ZCWPW2: variants seen among roughly 807,000 people sequenced by gnomAD.
ZCWPW2 encodes the protein zinc finger CW-type and PWWP domain containing 2.
ZCWPW2 carries 45 observed loss-of-function variants against 46.6 expected under a neutral mutation model. That is an observed-to-expected ratio of 0.96 (90% CI 0.76 to 1.24). The LOEUF is 1.24. ZCWPW2 is among the 50% of genes most tolerant of loss of function. The pLI is 0.00. For missense variants in ZCWPW2, 429 were observed against 403.9 expected (o/e 1.06, Z -0.53); for synonymous variants, 152 against 137.1 (o/e 1.11, Z -0.76).
chr3:28,429,710 C>T (rs552000428), intron 3 of ZCWPW2, among the ~76,000 whole-genome samples: 22 of 152,218 alleles, frequency 1.4e-4, no homozygotes, highest in African/African-American at 2.2e-4. Flanking sequence ...TTTCACGGGC[C>T]GGGCCCAGTG....
At chr3:28,466,401 A>G (rs1698826286) in intron 4 of ZCWPW2, among the ~76,000 whole-genome samples, 1 of 152,238 alleles carries the variant, frequency 6.6e-6, no homozygotes, top group African/African-American at 2.4e-5. Context: ...TAAAATTCTC[A>G]TTTATAATAG....
At chr3:28,438,383 C>A (rs1264762953) in intron 4 of ZCWPW2, among the ~76,000 whole-genome samples, 1 of 152,072 alleles carries the variant, frequency 6.6e-6, no homozygotes, top group African/African-American at 2.4e-5. Flanking sequence ...CATTTTAAAC[C>A]AACTGTATAT....
At chr3:28,454,956 G>T (rs1445831338) in intron 4 of ZCWPW2, among the ~76,000 whole-genome samples, 1 of 152,190 alleles carries the variant, frequency 6.6e-6, no homozygotes, top group African/African-American at 2.4e-5. Context: ...ATGTGTGCAT[G>T]TGTCTTTATA....
chr3:28,421,127 G>A (rs540407599), intron 3 of ZCWPW2, among the ~76,000 whole-genome samples: 25 of 152,176 alleles, frequency 1.6e-4, no homozygotes, highest in African/African-American at 2.4e-4. Context: ...ATGGGAGTAA[G>A]AGTCAAGGTT....
At chr3:28,410,887 AAGAG>A (rs574358443) in intron 2 of ZCWPW2, among the ~76,000 whole-genome samples, 174 of 152,134 alleles carry the variant, frequency 1.1e-3, no homozygotes, top group South Asian at 2.9e-3. Context: ...TGAAGAAAAA[AAGAG>A]AGGGCATAAA....
chr3:28,406,551 G>T (rs1027086124), intron 2 of ZCWPW2, among the ~76,000 whole-genome samples: 3 of 151,828 alleles, frequency 2.0e-5, no homozygotes, highest in African/African-American at 4.8e-5. Flanking sequence ...CAGTGTGGTT[G>T]CTGAGATGTT....
At chr3:28,353,365 T>A (rs1046716470) in intron 1 of ZCWPW2, among the ~76,000 whole-genome samples, 2 of 152,194 alleles carry the variant, frequency 1.3e-5, no homozygotes, top group African/African-American at 4.8e-5. Context: ...TTAAAATATT[T>A]TGAAACACTA....
intron 4 of ZCWPW2, chr3:28,447,650 A>G (rs1166389142): frequency 5.6e-6 from 2 of 356,028 alleles, no homozygotes; most frequent in Admixed American, 6.7e-5. Flanking sequence ...TGAAAGTTCT[A>G]GCCAGAGCAA....
At chr3:28,485,634 G>A (rs1451910813) in intron 5 of ZCWPW2, among the ~76,000 whole-genome samples, 1 of 152,072 alleles carries the variant, frequency 6.6e-6, no homozygotes, top group East Asian at 1.9e-4. Flanking sequence ...TTATTATTAT[G>A]TATGACCCTC....
At chr3:28,361,344 G>T (rs1272040693) in intron 1 of ZCWPW2, among the ~76,000 whole-genome samples, 2 of 152,134 alleles carry the variant, frequency 1.3e-5, no homozygotes, top group Non-Finnish European at 2.9e-5. Flanking sequence ...AATGAAATTG[G>T]ACCTTTATCT....
chr3:28,505,074 A>T (rs1429222008), intron 6 of ZCWPW2, among the ~76,000 whole-genome samples: 1 of 152,146 alleles, frequency 6.6e-6, no homozygotes, highest in Non-Finnish European at 1.5e-5. Context: ...CTCAGCCAGG[A>T]TTGTAAGTGT....
chr3:28,488,204 AAT>A (rs1451676558), intron 5 of ZCWPW2, among the ~76,000 whole-genome samples: 1 of 152,036 alleles, frequency 6.6e-6, no homozygotes, highest in African/African-American at 2.4e-5. Flanking sequence ...GCAATTTGTC[AAT>A]TAAAGTTCAG....
At chr3:28,467,406 G>T (rs931742810) in intron 4 of ZCWPW2, among the ~76,000 whole-genome samples, 1 of 151,980 alleles carries the variant, frequency 6.6e-6, no homozygotes, top group Non-Finnish European at 1.5e-5. Flanking sequence ...CACAGGACTT[G>T]AATCATCATT....
At chr3:28,494,947 G>A (rs1234485950) in intron 6 of ZCWPW2, among the ~76,000 whole-genome samples, 5 of 151,006 alleles carry the variant, frequency 3.3e-5, no homozygotes, top group Non-Finnish European at 7.4e-5. Flanking sequence ...ACAAATGGAA[G>A]AACATTCCAT....
chr3:28,513,575 C>G (rs1700484220), intron 6 of ZCWPW2, among the ~76,000 whole-genome samples: 2 of 152,048 alleles, frequency 1.3e-5, no homozygotes, highest in African/African-American at 2.4e-5. Flanking sequence ...CCAGTGTCAC[C>G]CTCAAAACAT....
chr3:28,430,260 G>A (rs1392877669), intron 3 of ZCWPW2, among the ~76,000 whole-genome samples: 1 of 152,252 alleles, frequency 6.6e-6, no homozygotes, highest in African/African-American at 2.4e-5. Flanking sequence ...TGACCTGGAT[G>A]TGAGACATGG....
chr3:28,493,318 G>A (rs1171758890), intron 6 of ZCWPW2, among the ~76,000 whole-genome samples: 22 of 68,580 alleles, frequency 3.2e-4, no homozygotes, highest in Admixed American at 1.8e-3. Flanking sequence ...CCCCACCACA[G>A]TCCCCAGAGT....
chr3:28,501,584 A>G (rs2125824841), intron 6 of ZCWPW2, among the ~76,000 whole-genome samples: 1 of 152,300 alleles, frequency 6.6e-6, no homozygotes, highest in African/African-American at 2.4e-5. Context: ...TGAAATGCAG[A>G]GATCTTAAGT....
chr3:28,513,859 A>G (rs940008506), intron 6 of ZCWPW2, among the ~76,000 whole-genome samples: 3 of 151,910 alleles, frequency 2.0e-5, no homozygotes, highest in African/African-American at 7.2e-5. Flanking sequence ...TCCAAATCAA[A>G]TCAGTTTAGC....
Sources: gnomAD v4.1 joint callset for allele counts (sites outside exome capture counted in the v4.1 genomes callset) on GRCh38, gnomAD v4.1.1 for gene constraint, MANE v1.5 for transcripts, NCBI Gene and HGNC (gene_info 2026-07-23, HGNC 2026-07-21) for gene names.